KLF12: variants seen among roughly 807,000 people sequenced by gnomAD.
The protein encoded by KLF12 is KLF transcription factor 12.
Under a neutral mutation model 37.8 loss-of-function variants are expected in KLF12, and 9 were observed. That is an observed-to-expected ratio of 0.24 (90% confidence interval 0.14 to 0.42). The LOEUF (loss-of-function observed/expected upper bound fraction) is 0.42, where lower values mean the gene tolerates loss of function less well. Among genes scored for constraint, KLF12 ranks in the 10% least tolerant of loss-of-function variants. KLF12 has a pLI of 1.00. For synonymous variants in KLF12, 208 were observed against 202.1 expected (o/e 1.03, Z -0.25); for missense variants, 411 against 516.0 (o/e 0.80, Z 1.97).
At chr13:73,803,734 T>C (rs931789563) in intron 5 of KLF12, among the ~76,000 whole-genome samples, 1 of 151,634 alleles carries the variant, frequency 6.6e-6, no homozygotes, top group African/African-American at 2.4e-5. Context: ...GGCTAGGACA[T>C]GTTATCTGTC....
intron 1 of KLF12, among the ~76,000 whole-genome samples, chr13:74,095,949 T>C (rs921793503): frequency 2.0e-5 from 3 of 152,146 alleles, no homozygotes; most frequent in African/African-American, 7.2e-5. Context: ...CCTATATCTC[T>C]CACCCCTTTG....
At chr13:73,803,873 C>G (rs898022655) in intron 5 of KLF12, among the ~76,000 whole-genome samples, 1 of 151,944 alleles carries the variant, frequency 6.6e-6, no homozygotes, top group African/African-American at 2.4e-5. Flanking sequence ...CTAAGTAACA[C>G]TAGTCATATC....
At chr13:74,078,214 A>G (rs1234352490) in intron 1 of KLF12, among the ~76,000 whole-genome samples, 1 of 152,200 alleles carries the variant, frequency 6.6e-6, no homozygotes, top group East Asian at 1.9e-4. Flanking sequence ...TTTACAGTCA[A>G]GGAGAAAAGC....
the KLF12 span, among the ~76,000 whole-genome samples, chr13:74,200,591 T>C: frequency 2.6e-5 from 4 of 152,032 alleles, no homozygotes; most frequent in Non-Finnish European, 4.4e-5. Context: ...GAGATGATAG[T>C]CAAGATCTTC....
the KLF12 span, among the ~76,000 whole-genome samples, chr13:74,213,153 T>C: frequency 6.6e-6 from 1 of 152,176 alleles, no homozygotes; most frequent in Non-Finnish European, 1.5e-5. Flanking sequence ...TATTACTTTT[T>C]AGTAGTATGT....
At chr13:74,268,727 C>A in the KLF12 span, among the ~76,000 whole-genome samples, 1 of 152,188 alleles carries the variant, frequency 6.6e-6, no homozygotes, top group Non-Finnish European at 1.5e-5. Flanking sequence ...GGTTACAGCT[C>A]ATAATGTGCC....
intron 1 of KLF12, among the ~76,000 whole-genome samples, chr13:73,995,434 G>A (rs1469981528): frequency 2.0e-5 from 3 of 152,098 alleles, no homozygotes; most frequent in Admixed American, 2.0e-4. Context: ...TAAAAGAGAA[G>A]TCCCAAATAC....
At chr13:73,928,266 C>T (rs1889498922) in intron 3 of KLF12, among the ~76,000 whole-genome samples, 1 of 152,112 alleles carries the variant, frequency 6.6e-6, no homozygotes, top group Admixed American at 6.5e-5. Context: ...GCAGTTAAAC[C>T]CTTTAGCTAA....
chr13:74,199,979 TACTTA>T, the KLF12 span, among the ~76,000 whole-genome samples: 1 of 152,174 alleles, frequency 6.6e-6, no homozygotes, highest in Non-Finnish European at 1.5e-5. Context: ...TATAGCATCC[TACTTA>T]ACTTCTGGGT....
the KLF12 span, among the ~76,000 whole-genome samples, chr13:74,168,690 G>A: frequency 3.3e-5 from 5 of 152,302 alleles, no homozygotes; most frequent in Admixed American, 1.3e-4. Flanking sequence ...TGGAAATAAC[G>A]GGTGGCAAAG....
chr13:73,917,801 C>T (rs1397876887), intron 3 of KLF12, among the ~76,000 whole-genome samples: 1 of 152,154 alleles, frequency 6.6e-6, no homozygotes, highest in Non-Finnish European at 1.5e-5. Flanking sequence ...TATTTGGTGA[C>T]CCCACAGCAT....
chr13:74,287,229 T>G, the KLF12 span, among the ~76,000 whole-genome samples: 1 of 152,042 alleles, frequency 6.6e-6, no homozygotes, highest in Non-Finnish European at 1.5e-5. Context: ...CGTCTGCTCA[T>G]TGCTCATGCA....
chr13:74,108,836 G>C (rs1000539855), intron 1 of KLF12, among the ~76,000 whole-genome samples: 1 of 152,178 alleles, frequency 6.6e-6, no homozygotes, highest in African/African-American at 2.4e-5. Context: ...GGAGGAGGAA[G>C]AAGAGGAAAA....
At chr13:74,128,644 T>C (rs1251668824) in intron 1 of KLF12, among the ~76,000 whole-genome samples, 1 of 152,234 alleles carries the variant, frequency 6.6e-6, no homozygotes, top group East Asian at 1.9e-4. Flanking sequence ...TCTTAGAGGT[T>C]ACCATTCATT....
chr13:74,112,135 A>C (rs909246394), intron 1 of KLF12, among the ~76,000 whole-genome samples: 8 of 152,116 alleles, frequency 5.3e-5, no homozygotes, highest in Admixed American at 2.0e-4. Context: ...TTTGAAAGGC[A>C]TGCTCCCAAA....
intron 6 of KLF12, among the ~76,000 whole-genome samples, chr13:73,738,187 C>T (rs1392383005): frequency 7.4e-6 from 1 of 135,340 alleles, no homozygotes; most frequent in Non-Finnish European, 1.6e-5. Flanking sequence ...CTCTGTCACC[C>T]AGGCTAGAGT....
At chr13:74,287,730 T>C in the KLF12 span, among the ~76,000 whole-genome samples, 1 of 152,146 alleles carries the variant, frequency 6.6e-6, no homozygotes, top group East Asian at 1.9e-4. Context: ...ACAAAAATAG[T>C]GTTTAACCTC....
chr13:74,269,669 G>C, the KLF12 span, among the ~76,000 whole-genome samples: 1 of 152,166 alleles, frequency 6.6e-6, no homozygotes, highest in Non-Finnish European at 1.5e-5. Flanking sequence ...AGGGGTATTT[G>C]TTATATTTTT....
chr13:74,011,886 T>TAAA (rs1892560579), intron 1 of KLF12, among the ~76,000 whole-genome samples: 1 of 152,188 alleles, frequency 6.6e-6, no homozygotes, highest in Non-Finnish European at 1.5e-5. Flanking sequence ...CAACTATGTC[T>TAAA]TTTCACTATG....
Sources: allele counts gnomAD v4.1 joint callset (sites outside exome capture counted in the v4.1 genomes callset), GRCh38; gene constraint gnomAD v4.1.1; transcripts MANE v1.5; gene names NCBI Gene and HGNC (gene_info 2026-07-23, HGNC 2026-07-21).